Variants in ZNF274 observed in about 807,000 individuals in gnomAD.
ZNF274 encodes neurotrophin receptor-interacting factor homolog.
ZNF274 carries 23 observed loss-of-function variants against 42.5 expected under a neutral mutation model. That is an observed-to-expected ratio of 0.54 (90% CI 0.39 to 0.77). ZNF274 has a LOEUF of 0.77. Among genes scored for constraint, ZNF274 ranks in the 30% least tolerant of loss-of-function variants. The pLI, the probability that ZNF274 is intolerant of heterozygous loss-of-function variation, is 0.00. For missense variants in ZNF274, 679 were observed against 806.5 expected, an observed-to-expected ratio of 0.84 and a Z score of 1.91; for synonymous variants, 292 against 305.4, an observed-to-expected ratio of 0.96 and a Z score of 0.46.
At position 58,212,026 on chromosome 19, in the gene ZNF274, C is replaced by T; in HGVS notation, c.980-135C>T. 1 of 1,075,554 alleles carries T rather than the reference C, an allele frequency of 9.3e-7. No homozygotes were observed. Among genetic ancestry groups the T allele is most frequent in the Non-Finnish European group, 1.3e-6 (1 of 759,666 alleles). The allele number at this position is 1,075,554 out of a possible 1,614,324, so 66.6% of individuals were successfully genotyped here. On this transcript the variant is annotated intron_variant, in intron 7 of 7. Coordinates refer to ENST00000617501, the MANE Select transcript of ZNF274 (RefSeq NM_133502.3). This position sits in a 1 kb window ranked among gnomAD's most constrained non-coding sequence, Gnocchi z 4.6. ...CTGCCGCTTCATTGCTTTTCAGTCT[C>T]TCTCCAGGTTGCATGACTCTATTTG...
At chr19:58,184,091 A>G in intron 2 of ZNF274, 93 bp downstream of exon 2, 1 of 1,409,588 alleles carries the variant, frequency 7.1e-7, no homozygotes, top group Non-Finnish European at 9.8e-7. Context: ...AGATACCCCC[A>G]TCCTCCAGAG....
chr19:58,211,800 T>G lies in ZNF274; in HGVS notation c.979+114T>G. ...ACTGGGCATTCCCTCAAGGGGCCCTTGCTGCATCCAGGGCCTGTAAGTGGA... is the reference window on the plus strand; with the variant it reads ...ACTGGGCATTCCCTCAAGGGGCCCTGGCTGCATCCAGGGCCTGTAAGTGGA... On this transcript the variant is annotated intron_variant, in intron 7 of 7. Transcript: ENST00000617501. The surrounding 1 kb of genome is among the most constrained non-coding windows in gnomAD (Gnocchi z 4.8). 7.1e-7 allele frequency: 1 copy of G among 1,414,776 alleles called. No homozygotes were observed. The highest frequency in any genetic ancestry group is 9.4e-7 in the Non-Finnish European group (1 of 1,060,766). The allele number at this position is 1,414,776 out of a possible 1,614,324, so 87.6% of individuals were successfully genotyped here.
chr19:58,200,653 T>G (rs1330933454), intron 4 of ZNF274, among the ~76,000 whole-genome samples: 1 of 152,130 alleles, frequency 6.6e-6, no homozygotes, highest in African/African-American at 2.4e-5. Flanking sequence ...GGTGCACATG[T>G]GGATCTCTGG....
In ZNF274 at chr19:58,212,703, C is replaced by G. The variant is rs763723987; in HGVS notation, c.1522C>G (p.Arg508Gly). Residue 508 changes from arginine (R) to glycine (G), a missense_variant, in exon 8 of 8, where the codon CGA becomes GGA. Physicochemically the swap from Arg to Gly is moderately radical, Grantham distance 125. Around this residue, in one of 2 missense-constraint regions of ZNF274, gnomAD observed 456 missense variants for 590.1 expected, o/e 0.77. Transcript: ENST00000617501. This position sits in a 1 kb window ranked among gnomAD's most constrained non-coding sequence, Gnocchi z 4.6. Reference protein sequence around the residue: ...IRIHKGSQVCRCSECGKIFRN... With the variant: ...IRIHKGSQVCGCSECGKIFRN... ...AATTCACAAGGGGAGCCAAGTTTGC[C>G]GATGCAGTGAATGTGGTAAAATATT... 2.4e-5 allele frequency: 38 copies of G among 1,613,826 alleles called. No individual in the cohort carries two copies. Among genetic ancestry groups the G allele is most frequent in the Non-Finnish European group, 3.1e-5 (37 of 1,179,896 alleles).
intron 4 of ZNF274, among the ~76,000 whole-genome samples, chr19:58,188,307 T>C (rs534881444): frequency 6.6e-6 from 1 of 151,666 alleles, no homozygotes; most frequent in East Asian, 2.0e-4. Flanking sequence ...GGAGGTTGTT[T>C]GAGACCCTGT....
intron 4 of ZNF274, among the ~76,000 whole-genome samples, chr19:58,187,599 G>T (rs1212455647): frequency 2.6e-5 from 4 of 151,982 alleles, no homozygotes; most frequent in Admixed American, 2.6e-4. Flanking sequence ...TTGTTTTTTT[G>T]TAGAGACAGT....
intron 4 of ZNF274, among the ~76,000 whole-genome samples, chr19:58,204,554 C>G (rs1421583915): frequency 6.6e-6 from 1 of 152,106 alleles, no homozygotes; most frequent in Non-Finnish European, 1.5e-5. Context: ...AGGCGGCTTC[C>G]GGGCTCTGAA....
At chr19:58,202,085 G>C (rs1424780783) in intron 4 of ZNF274, 2 of 152,262 alleles carry the variant, frequency 1.3e-5, no homozygotes, top group Non-Finnish European at 2.9e-5. Flanking sequence ...GAGCTTTCCA[G>C]ACAAGGAGGA....
At chr19:58,192,626 C>G (rs1350019686) in intron 4 of ZNF274, among the ~76,000 whole-genome samples, 1 of 152,164 alleles carries the variant, frequency 6.6e-6, no homozygotes, top group Non-Finnish European at 1.5e-5. Context: ...GAAGTCATCT[C>G]TAGATTACTT....
chr19:58,192,595 C>T (rs988666543), intron 4 of ZNF274, among the ~76,000 whole-genome samples: 1 of 152,162 alleles, frequency 6.6e-6, no homozygotes, highest in Non-Finnish European at 1.5e-5. Flanking sequence ...ATATGACTTA[C>T]TCACATCCTC....
At chr19:58,183,526 G>C (rs1463313613) in intron 1 of ZNF274, 84 bp downstream of exon 1, 1 of 164,292 alleles carries the variant, frequency 6.1e-6, no homozygotes, top group African/African-American at 2.4e-5. Flanking sequence ...CGCGGCCTCT[G>C]CATTTTCCGC....
intron 4 of ZNF274, among the ~76,000 whole-genome samples, chr19:58,200,741 G>A (rs2075900293): frequency 6.6e-6 from 1 of 152,094 alleles, no homozygotes; most frequent in South Asian, 2.1e-4. Flanking sequence ...GAAATAACAG[G>A]GTTTGGAACC....
chr19:58,210,567 A>G (rs961194427), intron 6 of ZNF274: 3 of 153,474 alleles, frequency 2.0e-5, no homozygotes, highest in South Asian at 4.0e-4. Flanking sequence ...TTGCACTGCA[A>G]ATGGCTTATA....
At chr19:58,188,713 T>C (rs1369905548) in intron 4 of ZNF274, among the ~76,000 whole-genome samples, 1 of 126,266 alleles carries the variant, frequency 7.9e-6, no homozygotes, top group African/African-American at 3.0e-5. Flanking sequence ...TATATATATA[T>C]ATATATATAT....
intron 4 of ZNF274, among the ~76,000 whole-genome samples, chr19:58,200,688 C>G (rs111450133): frequency 0.011 from 1,687 of 152,246 alleles, 11 homozygotes; most frequent in Non-Finnish European, 0.018. Flanking sequence ...TCTAGGAAAA[C>G]TAAGATGGTG....
chr19:58,187,578 T>G (rs1219004638), intron 4 of ZNF274, among the ~76,000 whole-genome samples: 1 of 151,878 alleles, frequency 6.6e-6, no homozygotes, highest in Admixed American at 6.6e-5. Context: ...TGTACCACCA[T>G]GCCCGTTTAA....
At chr19:58,194,371 CTTTTTTTTTT>C (rs766266627) in intron 4 of ZNF274, among the ~76,000 whole-genome samples, 3 of 64,174 alleles carry the variant, frequency 4.7e-5, no homozygotes, top group East Asian at 5.0e-4. Context: ...TGTTTTTTAC[CTTTTTTTTTT>C]TTTTTTTTTT....
intron 4 of ZNF274, among the ~76,000 whole-genome samples, chr19:58,188,723 T>TATATATATATATAC: frequency 7.8e-6 from 1 of 128,796 alleles, no homozygotes; most frequent in African/African-American, 3.0e-5. Flanking sequence ...TATATATATA[T>TATATATATATATAC]AAATCTTTAA....
Position 58,211,539 on chromosome 19 carries a change from G to C in ZNF274, c.853-21G>C. Reference sequence around the variant, plus strand: ...CCCTCTGACCCTCTTGCTGAGCATAGACACATATGTGATGTTACAGGAGCC... The same window carrying C: ...CCCTCTGACCCTCTTGCTGAGCATACACACATATGTGATGTTACAGGAGCC... On this transcript the variant is annotated intron_variant, in intron 6 of 7. Transcript: ENST00000617501. This position sits in a 1 kb window ranked among gnomAD's most constrained non-coding sequence, Gnocchi z 4.8. 6.2e-7 allele frequency: 1 copy of C among 1,605,632 alleles called. No homozygotes were observed.
Sources: gnomAD v4.1 joint callset for allele counts (sites outside exome capture counted in the v4.1 genomes callset) on GRCh38, gnomAD v4.1.1 for gene constraint, gnomAD v4.1.1 regional missense constraint, Gnocchi (gnomAD v3.1) non-coding constraint, MANE v1.5 for transcripts, NCBI Gene and HGNC (gene_info 2026-07-23, HGNC 2026-07-21) for gene names.